The following ACSM1 variants were observed in gnomAD, a reference collection of about 807,000 sequenced individuals.
ACSM1 encodes the protein acyl-CoA synthetase medium chain family member 1.
ACSM1 carries 79 observed loss-of-function variants against 75.8 expected under a neutral mutation model. The observed-to-expected ratio is 1.04, with a 90% confidence interval of 0.87 to 1.26. ACSM1 has a LOEUF of 1.26. Among genes scored for constraint, ACSM1 ranks in the 50% most tolerant of loss-of-function variants. The pLI is 0.00. For synonymous variants in ACSM1, 279 were observed against 265.8 expected (o/e 1.05, Z -0.48); for missense variants, 676 against 720.1 (o/e 0.94, Z 0.70).
chr16:20,687,949 G>A (rs2079582906), intron 2 of ACSM1, among the ~76,000 whole-genome samples: 1 of 152,002 alleles, frequency 6.6e-6, no homozygotes, highest in African/African-American at 2.4e-5. Flanking sequence ...GCCAGGCATA[G>A]TTGCATGCAC....
chr16:20,650,217 A>G (rs2018573382), intron 7 of ACSM1, among the ~76,000 whole-genome samples: 1 of 152,120 alleles, frequency 6.6e-6, no homozygotes, highest in Admixed American at 6.5e-5. Context: ...TCTCTCCTGC[A>G]TTTTCTGCTA....
In ACSM1 at chr16:20,632,649, C is replaced by T. The variant is rs2017418852; in HGVS notation, c.1299+4090G>A. On this transcript the variant is annotated intron_variant, in intron 10 of 13. Coordinates refer to ENST00000520010, the MANE Select transcript of ACSM1 (RefSeq NM_001318890.3). The stretch of plus-strand genomic sequence containing the variant: ...ACCAATCCTTTTCCAACTCTTTTTA[C>T]AAAATTAAAGAAAAGGAAAAATTTT... 2.0e-5 allele frequency among the ~76,000 whole-genome samples: 3 copies of T among 152,276 alleles called. No homozygotes were observed. The South Asian group carries it at 6.2e-4, about 32-fold the overall frequency.
chr16:20,695,970 A>C (rs966318027), intron 1 of ACSM1, among the ~76,000 whole-genome samples: 43 of 152,356 alleles, frequency 2.8e-4, no homozygotes, highest in African/African-American at 1.0e-3. Flanking sequence ...GATCACATAT[A>C]CAGAGTGGCC....
intron 7 of ACSM1, among the ~76,000 whole-genome samples, chr16:20,658,217 C>T (rs2019090558): frequency 6.6e-6 from 1 of 152,188 alleles, no homozygotes; most frequent in Non-Finnish European, 1.5e-5. Flanking sequence ...AATTTACAGT[C>T]CCACCAACAG....
At chr16:20,628,964 G>GA (rs1035220262) in intron 10 of ACSM1, among the ~76,000 whole-genome samples, 54 of 151,956 alleles carry the variant, frequency 3.6e-4, no homozygotes, top group Admixed American at 2.2e-3. Flanking sequence ...AGAGCTACCC[G>GA]AAAAAAACAT....
Position 20,682,304 on chromosome 16 carries a change from A to G in ACSM1, c.563T>C (p.Val188Ala). The G allele has an allele frequency of 6.2e-7, 1 of 1,613,866 alleles. No individual in the cohort carries two copies. ...QCPSLKTKLL[V>A]SDHSREGWLD... The stretch of plus-strand genomic sequence containing the variant: ...CCACCCTTCACGGCTGTGATCAGAC[A>G]CCAGGAGCTTGGTTTTCAGAGAGGG... Residue 188 changes from valine to alanine, a missense_variant, in exon 4 of 14, where the codon GTG becomes GCG. Transcript: ENST00000520010.
rs1353771892 is a variant in ACSM1, at chr16:20,660,683, T to G, written c.992+1111A>C. On this transcript the variant is annotated intron_variant, in intron 7 of 13. Coordinates refer to ENST00000520010, the MANE Select transcript of ACSM1 (RefSeq NM_001318890.3). ...TCAAATTATAATTCAGAGTTAGCTCTGTAAGGGCAATCATTAAACTCTGAT... is the reference window on the plus strand; with the variant it reads ...TCAAATTATAATTCAGAGTTAGCTCGGTAAGGGCAATCATTAAACTCTGAT... Among the ~76,000 whole-genome samples the G allele has an allele frequency of 2.6e-5, 4 of 152,328 alleles. No homozygotes were observed. In the East Asian group the frequency reaches 7.7e-4, roughly 29 times the overall value.
Position 20,630,420 on chromosome 16 carries a change from G to T in ACSM1, c.1300-3104C>A, listed in dbSNP as rs143026790. Among the ~76,000 whole-genome samples the T allele has an allele frequency of 8.4e-4, 128 of 152,178 alleles. 1 individual carries two copies. The highest frequency in any genetic ancestry group is 2.9e-3 in the African/African-American group (121 of 41,526). On this transcript the variant is annotated intron_variant, in intron 10 of 13. Transcript: ENST00000520010. ...GTTTAAGTTAAAAATAATTGCAAAA[G>T]ATAAAAAATGATATTGTCTATTAAT...
intron 7 of ACSM1, among the ~76,000 whole-genome samples, chr16:20,652,848 T>A (rs773606796): frequency 2.0e-5 from 3 of 152,200 alleles, no homozygotes; most frequent in Non-Finnish European, 2.9e-5. Flanking sequence ...GTACCATTCC[T>A]TCTGAAACTA....
chr16:20,683,713 C>CTT (rs1337143481), intron 3 of ACSM1, among the ~76,000 whole-genome samples: 14 of 117,168 alleles, frequency 1.2e-4, no homozygotes, highest in Middle Eastern at 3.9e-3. Flanking sequence ...CTCTCTCTCT[C>CTT]TCTCTTTCTT....
chr16:20,627,081 C>A, intron 11 of ACSM1, 108 bp downstream of exon 11: 1 of 1,401,272 alleles, frequency 7.1e-7, no homozygotes, highest in South Asian at 1.7e-5. Context: ...CGGCTCTATT[C>A]AGATTTAGGC....
intron 3 of ACSM1, among the ~76,000 whole-genome samples, chr16:20,683,445 T>C (rs1567308369): frequency 6.6e-6 from 1 of 151,906 alleles, no homozygotes; most frequent in Non-Finnish European, 1.5e-5. Flanking sequence ...ATTTCTTCTC[T>C]GCACTAACAC....
intron 7 of ACSM1, among the ~76,000 whole-genome samples, chr16:20,646,000 A>C (rs1389379476): frequency 6.6e-6 from 1 of 152,230 alleles, no homozygotes; most frequent in African/African-American, 2.4e-5. Flanking sequence ...AGACATTAGA[A>C]AAACTTCAAA....
At position 20,682,877 on chromosome 16, in the gene ACSM1, T is replaced by C. The variant is rs1465735901; in HGVS notation, c.404-414A>G. On this transcript the variant is annotated intron_variant, in intron 3 of 13. Coordinates refer to ENST00000520010, the MANE Select transcript of ACSM1 (RefSeq NM_001318890.3). ...TTCCTTTTCCCCTTTCTGTCATTCC[T>C]TGGATGTCATCTTGAATGTCCCCTC... Among the ~76,000 whole-genome samples, 3 of 152,306 alleles carry C rather than the reference T, an allele frequency of 2.0e-5. No homozygotes were observed. The East Asian group carries it at 5.8e-4, about 29-fold the overall frequency.
intron 4 of ACSM1, chr16:20,674,080 G>A: frequency 2.2e-6 from 1 of 449,124 alleles, no homozygotes; most frequent in Non-Finnish European, 4.5e-6. Context: ...CACCACTTGG[G>A]AGTGAATGGC....
chr16:20,674,272 G>GT (rs1318002004), intron 4 of ACSM1, among the ~76,000 whole-genome samples: 1 of 152,160 alleles, frequency 6.6e-6, no homozygotes, highest in African/African-American at 2.4e-5. Context: ...CCCAGGCATT[G>GT]TGAAGACCCT....
At position 20,669,984 on chromosome 16, in the gene ACSM1, C is replaced by T; in HGVS notation, c.755G>A (p.Arg252Lys). 6.2e-7 allele frequency: 1 copy of T among 1,613,574 alleles called. No homozygotes were observed. Among genetic ancestry groups the T allele is most frequent in the Non-Finnish European group, 8.5e-7 (1 of 1,179,760 alleles). The change falls in exon 6 of 14, where the codon AGG becomes AAG. Residue 252 changes from arginine to lysine, a missense_variant and splice_region_variant. By Grantham distance (26) the Arg-to-Lys change is conservative. Coordinates refer to ENST00000520010, the MANE Select transcript of ACSM1 (RefSeq NM_001318890.3). Reference sequence around the variant, plus strand: ...AGATGTCTTCAGGCTCCGTAATTTCCTACTAACTCCAAAATGCAGTGGCCT... The same window carrying T: ...AGATGTCTTCAGGCTCCGTAATTTCTTACTAACTCCAAAATGCAGTGGCCT... ...LALQPSFPGS[R>K]KLRSLKTSDV... is the part of the protein sequence containing the mutation.
intron 7 of ACSM1, among the ~76,000 whole-genome samples, chr16:20,650,987 G>C (rs768110466): frequency 6.6e-6 from 1 of 152,140 alleles, no homozygotes; most frequent in Non-Finnish European, 1.5e-5. Context: ...TTATCCCATG[G>C]CTAAAGTACT....
At chr16:20,640,997 A>T (rs2018024779) in intron 7 of ACSM1, among the ~76,000 whole-genome samples, 1 of 152,176 alleles carries the variant, frequency 6.6e-6, no homozygotes, top group South Asian at 2.1e-4. Context: ...ACATTCTTTT[A>T]TGGAGCTTAC....
Sources: gnomAD v4.1 joint callset for allele counts (sites outside exome capture counted in the v4.1 genomes callset) on GRCh38, gnomAD v4.1.1 for gene constraint, MANE v1.5 for transcripts, NCBI Gene and HGNC (gene_info 2026-07-23, HGNC 2026-07-21) for gene names.